Variants in MIGA2 observed in about 807,000 individuals in gnomAD.
MIGA2 encodes mitoguardin 2.
In MIGA2, 36 loss-of-function variants were observed where a neutral mutation model predicts 69.9. That is an observed-to-expected ratio of 0.52 (90% CI 0.39 to 0.68). MIGA2 has a LOEUF of 0.68. MIGA2 is among the 30% of genes least tolerant of loss of function. MIGA2 has a pLI of 0.00. For synonymous variants in MIGA2, 333 were observed against 349.2 expected (o/e 0.95, Z 0.52); for missense variants, 660 against 787.7 (o/e 0.84, Z 1.94).
chr9:129,063,482 T>G, intron 10 of MIGA2, 63 bp from the exon 11 acceptor site: 1 of 1,590,862 alleles, frequency 6.3e-7, no homozygotes, highest in Non-Finnish European at 8.6e-7. Context: ...TGTGGCCCTC[T>G]CCGTGGGCTT....
At position 129,060,654 on chromosome 9, in the gene MIGA2, A is replaced by C; in HGVS notation, c.894+4A>C. 6.3e-7 allele frequency: 1 copy of C among 1,577,654 alleles called. No homozygotes were observed. Among genetic ancestry groups the C allele is most frequent in the Non-Finnish European group, 8.6e-7 (1 of 1,161,124 alleles). On this transcript the variant is annotated splice_donor_region_variant and intron_variant, in intron 8 of 15. Transcript: ENST00000684074. The surrounding 1 kb of genome is among the most constrained non-coding windows in gnomAD (Gnocchi z 4.8). ...TTCCTTCTTCTCCGCCACCGAGGTG[A>C]CTCGGGGTGGGGACCAAGCCTGGGG...
At chr9:129,070,046 G>T in intron 15 of MIGA2, 81 bp downstream of exon 15, 1 of 1,252,380 alleles carries the variant, frequency 8.0e-7, no homozygotes. Context: ...AATGGGATGA[G>T]GGCCTGGGCC....
chr9:129,060,536 A>T lies in MIGA2; in HGVS notation c.794-14A>T. The T allele has an allele frequency of 6.3e-7, 1 of 1,577,118 alleles. No individual in the cohort carries two copies. The highest frequency in any genetic ancestry group is 8.6e-7 in the Non-Finnish European group (1 of 1,160,130). On this transcript the variant is annotated splice_polypyrimidine_tract_variant and intron_variant, in intron 7 of 15. Coordinates refer to ENST00000684074, the MANE Select transcript of MIGA2 (RefSeq NM_001329990.2). The surrounding 1 kb of genome is among the most constrained non-coding windows in gnomAD (Gnocchi z 4.8). ...GGGAGTCTCAGCCCCGCTTTCTCTC[A>T]CTGCTCTTCCCAGAGAGGACCCTCA...
Position 129,042,317 on chromosome 9 carries a change from A to G in MIGA2, c.110A>G (p.Gln37Arg), listed in dbSNP as rs1475591466. ...YTTFGQSAFS[Q>R]LRLTPGLRKV... ...TCTTCCCTGCAGTCTGCATTCTCCC[A>G]GCTACGGTTGACGCCAGGCCTGCGG... The change falls in exon 3 of 16, where the codon CAG (glutamine) becomes CGG (arginine). Residue 37 changes from glutamine to arginine, a missense_variant. Gln to Arg is a conservative substitution (Grantham distance 43). This residue lies in a region of MIGA2 where 54 missense variants were observed against 84.0 expected (regional missense o/e 0.64). Transcript: ENST00000684074. The G allele has an allele frequency of 6.2e-7, 1 of 1,612,290 alleles. No individual in the cohort carries two copies. The highest frequency in any genetic ancestry group is 1.1e-5 in the South Asian group (1 of 90,992).
At chr9:129,036,896 C>T in intron 1 of MIGA2, 1 of 989,148 alleles carries the variant, frequency 1.0e-6, no homozygotes, top group Non-Finnish European at 1.2e-6. Flanking sequence ...GAGGTGATGC[C>T]CGGGCCTGGA....
chr9:129,061,394 G>A lies in MIGA2; in HGVS notation c.1010+48G>A. ...AGGGAGGGAGCAGGAGGCGATGGGT[G>A]ATTCTGGCCCTTGCGGGAGGCGGAG... is the stretch of plus-strand genomic sequence containing the variant. On this transcript the variant is annotated intron_variant, in intron 9 of 15. Transcript: ENST00000684074. This position sits in a 1 kb window ranked among gnomAD's most constrained non-coding sequence, Gnocchi z 5.0. 2 of 1,521,904 alleles carry A rather than the reference G, an allele frequency of 1.3e-6. No homozygotes were observed. Among genetic ancestry groups the A allele is most frequent in the Non-Finnish European group, 1.8e-6 (2 of 1,115,066 alleles). 94.3% of individuals were successfully genotyped at this position (1,521,904 alleles called of 1,614,324 possible).
Position 129,069,731 on chromosome 9 carries a change from C to A in MIGA2, c.1459-118C>A. ...TGAGTCACTGCCCAGGGTCATCTAG[C>A]AGGAAAGTACATGAGCTGGGGCGAC... On this transcript the variant is annotated intron_variant, in intron 14 of 15. Coordinates refer to ENST00000684074, the MANE Select transcript of MIGA2 (RefSeq NM_001329990.2). The surrounding 1 kb of genome is among the most constrained non-coding windows in gnomAD (Gnocchi z 4.9). The A allele has an allele frequency of 1.3e-6, 1 of 772,876 alleles. No homozygotes were observed. The highest frequency in any genetic ancestry group is 2.3e-6 in the Non-Finnish European group (1 of 428,624). The allele number at this position is 772,876 out of a possible 1,614,324, so 47.9% of individuals were successfully genotyped here. A position where few individuals can be genotyped will look rare whatever the true frequency, so the allele number is the denominator to read the frequency against.
In MIGA2 at chr9:129,069,630, T is replaced by C. The variant is rs1339586557; in HGVS notation, c.1459-219T>C. 5 of 586,128 alleles carry C rather than the reference T, an allele frequency of 8.5e-6. No homozygotes were observed. Among genetic ancestry groups the C allele is most frequent in the South Asian group, 1.9e-5 (1 of 51,286 alleles). 36.3% of individuals were successfully genotyped at this position (586,128 alleles called of 1,614,324 possible). ...CCAGGCACTTCCCGCGGAGCCACTA[T>C]GGCCCCACCTCTTGCAGTACTCACA... On this transcript the variant is annotated intron_variant, in intron 14 of 15. Coordinates refer to ENST00000684074, the MANE Select transcript of MIGA2 (RefSeq NM_001329990.2). This position sits in a 1 kb window ranked among gnomAD's most constrained non-coding sequence, Gnocchi z 4.9.
rs1293413399 is a variant in MIGA2 at position 129,071,089 on chromosome 9, T to G, written c.*636T>G. On this transcript the variant is annotated 3_prime_UTR_variant, in exon 16 of 16. Transcript: ENST00000684074. Reference sequence around the variant, plus strand: ...TTCCCTCGCCCTACCAAAGATCGTCTTTTCTCCTCCCACCTCTGTCACCAC... The same window carrying G: ...TTCCCTCGCCCTACCAAAGATCGTCGTTTCTCCTCCCACCTCTGTCACCAC... 2 of 152,614 alleles carry G rather than the reference T, an allele frequency of 1.3e-5. No homozygotes were observed. Among genetic ancestry groups the G allele is most frequent in the African/African-American group, 4.8e-5 (2 of 41,436 alleles). 9.5% of individuals were successfully genotyped at this position (152,614 alleles called of 1,614,324 possible).
In MIGA2 at chr9:129,038,297, GAGA is replaced by G. The variant is rs1399618795; in HGVS notation, c.-144+1619_-144+1621del. 4.6e-5 allele frequency among the ~76,000 whole-genome samples: 7 copies of G among 152,310 alleles called. No homozygotes were observed. In the South Asian group the frequency reaches 1.5e-3, roughly 32 times the overall value. ...TCCTCAGTCCTTCCCACTCACTGGG[GAGA>G]AGCTGTTTCTTCTGCTGGCCCAGTG... is the stretch of plus-strand genomic sequence containing the variant. On this transcript the variant is annotated intron_variant, in intron 1 of 15. Coordinates refer to ENST00000684074, the MANE Select transcript of MIGA2 (RefSeq NM_001329990.2).
chr9:129,067,135 C>CAAAA (rs774512522), intron 11 of MIGA2, among the ~76,000 whole-genome samples: 1 of 52,008 alleles, frequency 1.9e-5, no homozygotes, highest in Non-Finnish European at 3.9e-5. Context: ...GACTCCATCT[C>CAAAA]AAAAAAAAAA....
intron 3 of MIGA2, 26 bp from the exon 4 acceptor site, chr9:129,048,383 CACAGGGGATGCCTGTGTG>C (rs1287289267): frequency 1.3e-6 from 2 of 1,517,172 alleles, no homozygotes; most frequent in Non-Finnish European, 1.8e-6. Flanking sequence ...GTGTAAAGGC[CACAGGGGATGCCTGTGTG>C]ACGCCTGCCC....
At position 129,061,402 on chromosome 9, in the gene MIGA2, C is replaced by A; in HGVS notation, c.1010+56C>A. On this transcript the variant is annotated intron_variant, in intron 9 of 15. Coordinates refer to ENST00000684074, the MANE Select transcript of MIGA2 (RefSeq NM_001329990.2). This position sits in a 1 kb window ranked among gnomAD's most constrained non-coding sequence, Gnocchi z 5.0. ...AGCAGGAGGCGATGGGTGATTCTGG[C>A]CCTTGCGGGAGGCGGAGAAGCCAGC... 6.7e-7 allele frequency: 1 copy of A among 1,492,580 alleles called. No individual in the cohort carries two copies. Among genetic ancestry groups the A allele is most frequent in the East Asian group, 2.4e-5 (1 of 41,972 alleles). 92.5% of individuals were successfully genotyped at this position (1,492,580 alleles called of 1,614,324 possible).
At position 129,061,030 on chromosome 9, in the gene MIGA2, G is replaced by A. The variant is rs575983086; in HGVS notation, c.895-201G>A. Among the ~76,000 whole-genome samples, 6 of 152,226 alleles carry A rather than the reference G, an allele frequency of 3.9e-5. No individual in the cohort carries two copies. The highest frequency in any genetic ancestry group is 1.3e-4 in the Admixed American group (2 of 15,294). ...ATGGCCTTTTTGGGAGGGACCCCTG[G>A]AGATGGGGATGCTGAGGGCCAGAAC... On this transcript the variant is annotated intron_variant, in intron 8 of 15. Transcript: ENST00000684074. The surrounding 1 kb of genome is among the most constrained non-coding windows in gnomAD (Gnocchi z 5.0).
In MIGA2 at chr9:129,068,998, G is replaced by C. The variant is rs552559683; in HGVS notation, c.1405-78G>C. On this transcript the variant is annotated intron_variant, in intron 13 of 15. Coordinates refer to ENST00000684074, the MANE Select transcript of MIGA2 (RefSeq NM_001329990.2). This position sits in a 1 kb window ranked among gnomAD's most constrained non-coding sequence, Gnocchi z 4.1. The stretch of plus-strand genomic sequence containing the variant: ...GGGGTGAGCTGGGTTTAAGGGCTTG[G>C]TGCTGGGCTGGCAGAGGGCGAGGGG... The C allele has an allele frequency of 1.1e-5, 17 of 1,564,670 alleles. No homozygotes were observed. The South Asian group carries it at 1.8e-4, about 16-fold the overall frequency.
At position 129,042,333 on chromosome 9, in the gene MIGA2, A is replaced by C; in HGVS notation, c.126A>C (p.Pro42=). 1 of 1,612,742 alleles carries C rather than the reference A, an allele frequency of 6.2e-7. No individual in the cohort carries two copies. Among genetic ancestry groups the C allele is most frequent in the Non-Finnish European group, 8.5e-7 (1 of 1,179,998 alleles). ...CATTCTCCCAGCTACGGTTGACGCC[A>C]GGCCTGCGGAAAGTCCTCTTTGCCA... ...QSAFSQLRLT[P]GLRKVLFATA... The change falls in exon 3 of 16, where the codon CCA becomes CCC. Residue 42 remains proline, a synonymous_variant. Transcript: ENST00000684074.
At chr9:129,065,643 C>A (rs902742443) in intron 11 of MIGA2, among the ~76,000 whole-genome samples, 5 of 152,166 alleles carry the variant, frequency 3.3e-5, no homozygotes, top group Admixed American at 3.3e-4. Flanking sequence ...AGCCACCACG[C>A]CCGGCCTATG....
chr9:129,062,465 G>C (rs1846114332), intron 9 of MIGA2, among the ~76,000 whole-genome samples: 1 of 150,240 alleles, frequency 6.7e-6, no homozygotes, highest in Non-Finnish European at 1.5e-5. Flanking sequence ...CCGGGAGGCA[G>C]AGGTTGCAGT....
At chr9:129,051,516 TCCG>T (rs1289612327) in intron 6 of MIGA2, 1 of 151,036 alleles carries the variant, frequency 6.6e-6, no homozygotes, top group African/African-American at 2.4e-5. Context: ...GACCTCATGA[TCCG>T]CCCGCCTTGG....
Sources: allele counts gnomAD v4.1 joint callset (sites outside exome capture counted in the v4.1 genomes callset), GRCh38; gene constraint gnomAD v4.1.1; regional missense constraint gnomAD v4.1.1; non-coding constraint Gnocchi (gnomAD v3.1); transcripts MANE v1.5; gene names NCBI Gene and HGNC (gene_info 2026-07-23, HGNC 2026-07-21).